The following SGTA variants were observed in gnomAD, a reference collection of about 807,000 sequenced individuals.
The protein encoded by SGTA is small glutamine-rich tetratricopeptide repeat-containing protein alpha.
Under a neutral mutation model 44.3 loss-of-function variants are expected in SGTA, and 22 were observed. The observed-to-expected ratio is 0.50, with a 90% CI of 0.36 to 0.71. The LOEUF (loss-of-function observed/expected upper bound fraction) is 0.71, where lower values mean the gene tolerates loss of function less well. SGTA is among the 30% of genes least tolerant of loss of function. The pLI is 0.00. For synonymous variants in SGTA, 174 were observed against 177.6 expected (o/e 0.98, Z 0.16); for missense variants, 341 against 435.9 (o/e 0.78, Z 1.94).
intron 8 of SGTA, among the ~76,000 whole-genome samples, chr19:2,759,840 G>T (rs1320227139): frequency 1.3e-5 from 2 of 151,978 alleles, no homozygotes; most frequent in African/African-American, 4.8e-5. Flanking sequence ...CATGCCTGTA[G>T]TCCCAGCTAC....
rs202067187 is a variant in SGTA, at chr19:2,760,639, AG to A, written c.699+820del. On this transcript the variant is annotated intron_variant, in intron 8 of 11. Coordinates refer to ENST00000221566, the MANE Select transcript of SGTA (RefSeq NM_003021.4). ...GCGTCTGTGACATGGCCAAGCTGAG[AG>A]GCCCCTTGAAAGACTGGGGCCCAGT... Among the ~76,000 whole-genome samples, 1,289 of 151,906 alleles carry A rather than the reference AG, an allele frequency of 8.5e-3. 16 individuals are homozygous for A. The highest frequency in any genetic ancestry group is 0.03 in the African/African-American group (1,233 of 41,412).
At chr19:2,759,022 C>T (rs1568307169) in intron 9 of SGTA, among the ~76,000 whole-genome samples, 1 of 151,686 alleles carries the variant, frequency 6.6e-6, no homozygotes, top group Non-Finnish European at 1.5e-5. Flanking sequence ...GGGCTTCTTT[C>T]GGAGGTGATG....
chr19:2,764,389 G>GTATGTATT (rs1421906097), intron 5 of SGTA, among the ~76,000 whole-genome samples: 1 of 152,186 alleles, frequency 6.6e-6, no homozygotes. Flanking sequence ...GATTTTCTAT[G>GTATGTATT]TATGTATTTA....
chr19:2,771,651 C>T (rs139057783), intron 1 of SGTA, among the ~76,000 whole-genome samples: 5 of 151,108 alleles, frequency 3.3e-5, no homozygotes, highest in East Asian at 3.9e-4. Flanking sequence ...GGTACGTGGA[C>T]GGGTGCTGGT....
intron 1 of SGTA, among the ~76,000 whole-genome samples, chr19:2,772,129 G>C (rs1915326771): frequency 6.6e-6 from 1 of 152,224 alleles, no homozygotes. Context: ...ATGAGGCAAG[G>C]GGCAGGCCTG....
chr19:2,757,535 C>A, intron 10 of SGTA, 78 bp from the exon 11 acceptor site: 1 of 1,549,352 alleles, frequency 6.5e-7, no homozygotes. Flanking sequence ...GCTGACCCCT[C>A]GGGCCCTCCA....
intron 7 of SGTA, 85 bp downstream of exon 7, chr19:2,762,421 A>C: frequency 1.4e-6 from 2 of 1,406,342 alleles, no homozygotes; most frequent in South Asian, 1.2e-5. Flanking sequence ...GGTTAAGCCT[A>C]GAGCCACTGG....
At chr19:2,776,895 G>A (rs556229266) in intron 1 of SGTA, among the ~76,000 whole-genome samples, 3 of 152,126 alleles carry the variant, frequency 2.0e-5, no homozygotes, top group East Asian at 1.9e-4. Flanking sequence ...CCCGGGAGGT[G>A]GAGGCTGCAG....
Position 2,755,229 on chromosome 19 carries a change from TC to T in SGTA, c.*710del, listed in dbSNP as rs1914788621. On this transcript the variant is annotated 3_prime_UTR_variant, in exon 12 of 12. Transcript: ENST00000221566. This position sits in a 1 kb window ranked among gnomAD's most constrained non-coding sequence, Gnocchi z 5.2. ...TCATGATGTCGCCCCTGGCTCTCAGTCGCGAGGACCAGAAAATGAGGGTGGG... is the reference window on the plus strand; with the variant it reads ...TCATGATGTCGCCCCTGGCTCTCAGTGCGAGGACCAGAAAATGAGGGTGGG... The T allele has an allele frequency of 5.2e-6, 1 of 193,050 alleles. No homozygotes were observed. Among genetic ancestry groups the T allele is most frequent in the African/African-American group, 2.4e-5 (1 of 42,186 alleles). 12.0% of individuals were successfully genotyped at this position (193,050 alleles called of 1,614,324 possible).
At chr19:2,772,812 G>A (rs1915345901) in intron 1 of SGTA, among the ~76,000 whole-genome samples, 1 of 143,686 alleles carries the variant, frequency 7.0e-6, no homozygotes, top group Admixed American at 6.7e-5. Context: ...AGAGATGGGT[G>A]ACGCGGCCAC....
intron 1 of SGTA, among the ~76,000 whole-genome samples, chr19:2,778,804 A>G (rs1915503671): frequency 6.6e-6 from 1 of 152,144 alleles, no homozygotes; most frequent in Non-Finnish European, 1.5e-5. Flanking sequence ...AAAACAAAAG[A>G]TAAAATAAAT....
At chr19:2,771,709 G>A (rs886728595) in intron 1 of SGTA, among the ~76,000 whole-genome samples, 2 of 152,190 alleles carry the variant, frequency 1.3e-5, no homozygotes, top group African/African-American at 4.8e-5. Flanking sequence ...TTCCAGAAAC[G>A]CTGCCCGGCT....
intron 1 of SGTA, among the ~76,000 whole-genome samples, chr19:2,782,151 C>G (rs1001317049): frequency 1.3e-5 from 2 of 152,102 alleles, no homozygotes; most frequent in African/African-American, 2.4e-5. Context: ...GGGGTGAGGC[C>G]GTCCTGGGTA....
Position 2,755,336 on chromosome 19 carries a change from G to T in SGTA, c.*604C>A. 1 of 927,962 alleles carries T rather than the reference G, an allele frequency of 1.1e-6. No individual in the cohort carries two copies. The highest frequency in any genetic ancestry group is 1.3e-6 in the Non-Finnish European group (1 of 775,500). 57.5% of individuals were successfully genotyped at this position (927,962 alleles called of 1,614,324 possible). A position where few individuals can be genotyped will look rare whatever the true frequency, so the allele number is the denominator to read the frequency against. ...GTCCTATGCACCCAGGACGGCTCCT[G>T]AGCCGCGGAGGCGTGGGGTGACCGC... On this transcript the variant is annotated 3_prime_UTR_variant, in exon 12 of 12. Transcript: ENST00000221566. The surrounding 1 kb of genome is among the most constrained non-coding windows in gnomAD (Gnocchi z 5.2).
rs1421470511 is a variant in SGTA, at chr19:2,757,785, G to A, written c.738-3C>T. 1.9e-6 allele frequency: 3 copies of A among 1,578,966 alleles called. No homozygotes were observed. Among genetic ancestry groups the A allele is most frequent in the Non-Finnish European group, 2.6e-6 (3 of 1,163,316 alleles). ...CACCCGAAATCATGCCGGACATGCT[G>A]CAGGAGAGAGCGCGTGACTCGCAGC... On this transcript the variant is annotated splice_region_variant and splice_polypyrimidine_tract_variant and intron_variant, in intron 9 of 11. Coordinates refer to ENST00000221566, the MANE Select transcript of SGTA (RefSeq NM_003021.4).
At chr19:2,769,967 T>C (rs1373402312) in intron 1 of SGTA, among the ~76,000 whole-genome samples, 1 of 46,050 alleles carries the variant, frequency 2.2e-5, no homozygotes, top group African/African-American at 9.2e-5. Context: ...ACCCGCCTAG[T>C]TCCCCCCTCG....
chr19:2,760,599 G>A (rs12971451), intron 8 of SGTA, among the ~76,000 whole-genome samples: 11,310 of 150,532 alleles, frequency 0.075, 654 homozygotes, highest in Non-Finnish European at 0.11. Flanking sequence ...AACCCCAGAT[G>A]TCTGAAGGGA....
rs114259309 is a variant in SGTA at position 2,770,934 on chromosome 19, G to A, written c.-23-1843C>T. On this transcript the variant is annotated intron_variant, in intron 1 of 11. Coordinates refer to ENST00000221566, the MANE Select transcript of SGTA (RefSeq NM_003021.4). ...CAATCTTGGTTGTTTTAAGCCAGCC[G>A]GGTTGTGAGGGAGAGGCCAGGCGGT... Among the ~76,000 whole-genome samples, 1,005 of 152,376 alleles carry A rather than the reference G, an allele frequency of 6.6e-3. 12 individuals carry two copies. The highest frequency in any genetic ancestry group is 0.021 in the African/African-American group (860 of 41,582).
intron 1 of SGTA, among the ~76,000 whole-genome samples, chr19:2,774,095 G>A (rs998826336): frequency 1.2e-4 from 18 of 152,216 alleles, no homozygotes; most frequent in African/African-American, 2.2e-4. Context: ...CGGCCTCCAG[G>A]ACTGAGAGAC....
Sources: allele counts gnomAD v4.1 joint callset (sites outside exome capture counted in the v4.1 genomes callset), GRCh38; gene constraint gnomAD v4.1.1; non-coding constraint Gnocchi (gnomAD v3.1); transcripts MANE v1.5; gene names NCBI Gene and HGNC (gene_info 2026-07-23, HGNC 2026-07-21).